ARID5A: variants seen among roughly 807,000 people sequenced by gnomAD.
ARID5A encodes the protein AT-rich interaction domain 5A.
In ARID5A, 14 loss-of-function variants were observed where a neutral mutation model predicts 30.5. That is an observed-to-expected ratio of 0.46 (90% CI 0.30 to 0.72). The LOEUF (loss-of-function observed/expected upper bound fraction) is 0.72, where lower values mean the gene tolerates loss of function less well. ARID5A is among the 30% of genes least tolerant of loss of function. The pLI, the probability that ARID5A is intolerant of heterozygous loss-of-function variation, is 0.07. For synonymous variants in ARID5A, 338 were observed against 340.4 expected, an observed-to-expected ratio of 0.99 and a Z score of 0.08; for missense variants, 669 against 786.2, an observed-to-expected ratio of 0.85 and a Z score of 1.78.
intron 1 of ARID5A, among the ~76,000 whole-genome samples, chr2:96,542,193 C>T (rs1306552100): frequency 6.6e-6 from 1 of 152,134 alleles, no homozygotes; most frequent in African/African-American, 2.4e-5. Context: ...ACAGAGGGCA[C>T]CCTGGAGACC....
At position 96,551,155 on chromosome 2, in the gene ARID5A, G is replaced by A; in HGVS notation, c.627G>A (p.Gln209=). Residue 209 remains glutamine (Q), a synonymous_variant, in exon 7 of 7, where the codon CAG becomes CAA. Transcript: ENST00000357485. The stretch of plus-strand genomic sequence containing the variant: ...CTGACCCAGCACCACTTCCCAGCCA[G>A]GAGCCCCCCAGGAACAGCACAGAAC... ...DAADPAPLPS[Q]EPPRNSTEQQ... is the part of the protein sequence containing the mutation. 1 of 1,613,804 alleles carries A rather than the reference G, an allele frequency of 6.2e-7. No homozygotes were observed. Among genetic ancestry groups the A allele is most frequent in the Non-Finnish European group, 8.5e-7 (1 of 1,179,912 alleles).
intron 1 of ARID5A, among the ~76,000 whole-genome samples, chr2:96,545,156 C>CTTTTTTTT (rs35156624): frequency 8.6e-5 from 10 of 116,334 alleles, no homozygotes; most frequent in Non-Finnish European, 1.4e-4. Context: ...TTTTCTTTTT[C>CTTTTTTTT]TTTTTTTTTT....
chr2:96,537,269 G>T lies in ARID5A; in HGVS notation c.4+439G>T, dbSNP rs959891202. On this transcript the variant is annotated intron_variant, in intron 1 of 6. Transcript: ENST00000357485. The surrounding 1 kb of genome is among the most constrained non-coding windows in gnomAD (Gnocchi z 4.8). ...CCGCCCCTCCGCCCCGTGACATCCC[G>T]CAGGTTTCAGAACCGCGGCGCCGCC... 6.3e-6 allele frequency: 1 copy of T among 158,588 alleles called. No homozygotes were observed. Among genetic ancestry groups the T allele is most frequent in the African/African-American group, 2.4e-5 (1 of 41,700 alleles). The allele number at this position is 158,588 out of a possible 1,614,324, so 9.8% of individuals were successfully genotyped here. A position where few individuals can be genotyped will look rare whatever the true frequency, so the allele number is the denominator to read the frequency against.
intron 1 of ARID5A, 122 bp from the exon 2 acceptor site, chr2:96,547,280 G>C: frequency 1.3e-6 from 1 of 782,712 alleles, no homozygotes; most frequent in Non-Finnish European, 2.0e-6. Flanking sequence ...GTGAGCCCCT[G>C]CACTGGCGCC....
In ARID5A at chr2:96,549,389, C is replaced by T; in HGVS notation, c.189C>T (p.Val63=). The change falls in exon 3 of 7, where the codon GTC becomes GTT. Residue 63 remains valine (V), a synonymous_variant. Coordinates refer to ENST00000357485, the MANE Select transcript of ARID5A (RefSeq NM_212481.3). The surrounding 1 kb of genome is among the most constrained non-coding windows in gnomAD (Gnocchi z 6.1). ...GGGAGGAGGAGCAGGCCTTCCTGGT[C>T]AGCCTCTACAAGTTCATGAAGGAGC... ...QEREEEQAFL[V]SLYKFMKERH... is the part of the protein sequence containing the mutation. 6.2e-7 allele frequency: 1 copy of T among 1,613,916 alleles called. No individual in the cohort carries two copies. The highest frequency in any genetic ancestry group is 8.5e-7 in the Non-Finnish European group (1 of 1,179,942).
rs150396730 is a variant in ARID5A at position 96,551,109 on chromosome 2, G to A, written c.581G>A (p.Gly194Glu). Residue 194 changes from glycine to glutamate, a missense_variant, in exon 7 of 7, where the codon GGA (glycine) becomes GAA (glutamate). Gly to Glu is a moderately conservative substitution (Grantham distance 98). Transcript: ENST00000357485. ...TTTCTCTCATTCCAGATGATGCCAG[G>A]AAAGACCAAAGCAGATGCTGCTGAC... ...EERRMDQMMP[G>E]KTKADAADPA... 9,572 of 1,611,098 alleles carry A rather than the reference G, an allele frequency of 5.9e-3. 49 individuals carry two copies. The highest frequency in any genetic ancestry group is 7.1e-3 in the Non-Finnish European group (8,333 of 1,178,458).
In ARID5A at chr2:96,551,492, G is replaced by C; in HGVS notation, c.964G>C (p.Gly322Arg). ...CCCTCAGGAGGGATTGCAGGCCCCA[G>C]GTGGCAGCCTCAGAGAGGAGGCGCA... is the stretch of plus-strand genomic sequence containing the variant. ...LTPQEGLQAP[G>R]GSLREEAQAG... is the part of the protein sequence containing the mutation. Residue 322 changes from glycine to arginine, a missense_variant, in exon 7 of 7, where the codon GGT becomes CGT. By Grantham distance (125) the Gly-to-Arg change is moderately radical. This residue lies in a region of ARID5A where 548 missense variants were observed against 577.4 expected (regional missense o/e 0.95). Transcript: ENST00000357485. The C allele has an allele frequency of 6.3e-7, 1 of 1,591,044 alleles. No individual in the cohort carries two copies. Among genetic ancestry groups the C allele is most frequent in the Non-Finnish European group, 8.6e-7 (1 of 1,168,680 alleles).
At chr2:96,541,336 CAG>C (rs1245654345) in intron 1 of ARID5A, among the ~76,000 whole-genome samples, 1 of 152,148 alleles carries the variant, frequency 6.6e-6, no homozygotes, top group African/African-American at 2.4e-5. Context: ...GGGAATGTAA[CAG>C]AATTATCCCA....
In ARID5A at chr2:96,539,666, C is replaced by T. The variant is rs116333847; in HGVS notation, c.4+2836C>T. On this transcript the variant is annotated intron_variant, in intron 1 of 6. Coordinates refer to ENST00000357485, the MANE Select transcript of ARID5A (RefSeq NM_212481.3). This position sits in a 1 kb window ranked among gnomAD's most constrained non-coding sequence, Gnocchi z 4.7. ...GATGGTGGGTCCTCTGGGCCCTCCC[C>T]GACCCAGGCCAGGGAAGTTGATTCA... is the stretch of plus-strand genomic sequence containing the variant. Among the ~76,000 whole-genome samples the T allele has an allele frequency of 0.017, 2,664 of 152,286 alleles. 25 individuals are homozygous for T. The highest frequency in any genetic ancestry group is 0.035 in the Admixed American group (530 of 15,282).
At position 96,552,306 on chromosome 2, in the gene ARID5A, A is replaced by C. The variant is rs762166287; in HGVS notation, c.1778A>C (p.Lys593Thr). ...CCCCACTTCTTCCACCTCAACACCA[A>C]GCTGTAGGCCAGCCCATGGTGTTGT... The part of the protein sequence containing the change: ...AAPHFFHLNT[K>T]L Residue 593 changes from lysine to threonine, a missense_variant, in exon 7 of 7, where the codon AAG becomes ACG. Coordinates refer to ENST00000357485, the MANE Select transcript of ARID5A (RefSeq NM_212481.3). 1.9e-6 allele frequency: 3 copies of C among 1,613,250 alleles called. No homozygotes were observed. In the Admixed American group the frequency reaches 5.0e-5, roughly 27 times the overall value.
At chr2:96,542,447 C>T (rs1462778211) in intron 1 of ARID5A, among the ~76,000 whole-genome samples, 1 of 152,194 alleles carries the variant, frequency 6.6e-6, no homozygotes, top group Admixed American at 6.5e-5. Flanking sequence ...TTCCAGGTAA[C>T]ACGAGCACCC....
intron 2 of ARID5A, among the ~76,000 whole-genome samples, chr2:96,548,970 C>T (rs549021883): frequency 2.8e-4 from 42 of 152,324 alleles, no homozygotes; most frequent in African/African-American, 8.7e-4. Context: ...CCTAGTCTGG[C>T]GGAGGAGCTG....
At chr2:96,543,499 T>G (rs981759838) in intron 1 of ARID5A, among the ~76,000 whole-genome samples, 3 of 152,174 alleles carry the variant, frequency 2.0e-5, no homozygotes, top group Non-Finnish European at 4.4e-5. Flanking sequence ...CATTTCAAAC[T>G]TTTTCATTAT....
chr2:96,546,505 AG>A (rs1299207905), intron 1 of ARID5A, among the ~76,000 whole-genome samples: 4 of 152,192 alleles, frequency 2.6e-5, no homozygotes, highest in Non-Finnish European at 5.9e-5. Context: ...GGTTGTTGTG[AG>A]CCTTGCTCAT....
Position 96,550,421 on chromosome 2 carries a change from T to C in ARID5A, c.410+136T>C. ...TCCTCAGAGCTGCGGGAGCCCAGGC[T>C]GGCTGGGCGCACTCACTGAGGGAGC... On this transcript the variant is annotated intron_variant, in intron 5 of 6. Transcript: ENST00000357485. The surrounding 1 kb of genome is among the most constrained non-coding windows in gnomAD (Gnocchi z 6.6). 1 of 1,427,998 alleles carries C rather than the reference T, an allele frequency of 7.0e-7. No individual in the cohort carries two copies. The highest frequency in any genetic ancestry group is 9.2e-7 in the Non-Finnish European group (1 of 1,090,324). 88.5% of individuals were successfully genotyped at this position (1,427,998 alleles called of 1,614,324 possible).
At chr2:96,543,328 C>T (rs2065876221) in intron 1 of ARID5A, among the ~76,000 whole-genome samples, 1 of 152,172 alleles carries the variant, frequency 6.6e-6, no homozygotes, top group South Asian at 2.1e-4. Flanking sequence ...ACAGGCACAC[C>T]TTGCTCTATC....
chr2:96,548,391 G>A (rs904532216), intron 2 of ARID5A, among the ~76,000 whole-genome samples: 31 of 152,006 alleles, frequency 2.0e-4, no homozygotes, highest in African/African-American at 4.4e-4. Context: ...TCAGCCTCCC[G>A]AGTAGCTGGG....
chr2:96,545,806 T>C (rs989917950), intron 1 of ARID5A, among the ~76,000 whole-genome samples: 3 of 151,714 alleles, frequency 2.0e-5, no homozygotes, highest in Non-Finnish European at 2.9e-5. Context: ...ATACAAAAAT[T>C]AGCCGGGCTT....
In ARID5A at chr2:96,551,479, A is replaced by G; in HGVS notation, c.951A>G (p.Gly317=). The stretch of plus-strand genomic sequence containing the variant: ...GGCACCGGCTGACCCCTCAGGAGGG[A>G]TTGCAGGCCCCAGGTGGCAGCCTCA... The part of the protein sequence containing the change: ...NSRHRLTPQE[G]LQAPGGSLRE... The change falls in exon 7 of 7, where the codon GGA becomes GGG. Residue 317 remains glycine, a synonymous_variant. Transcript: ENST00000357485. The G allele has an allele frequency of 6.3e-7, 1 of 1,589,354 alleles. No individual in the cohort carries two copies. The highest frequency in any genetic ancestry group is 8.6e-7 in the Non-Finnish European group (1 of 1,167,960).
Sources: gnomAD v4.1 joint callset for allele counts (sites outside exome capture counted in the v4.1 genomes callset) on GRCh38, gnomAD v4.1.1 for gene constraint, gnomAD v4.1.1 regional missense constraint, Gnocchi (gnomAD v3.1) non-coding constraint, MANE v1.5 for transcripts, NCBI Gene and HGNC (gene_info 2026-07-23, HGNC 2026-07-21) for gene names.